GSTA4: variants seen among roughly 807,000 people sequenced by gnomAD.
GSTA4 encodes the protein glutathione S-transferase A4.
A neutral mutation model predicts 24.4 loss-of-function variants in GSTA4; 15 were observed. That is an observed-to-expected ratio of 0.61 (90% confidence interval 0.41 to 0.95). The LOEUF is 0.95. GSTA4 is among the 40% of genes least tolerant of loss of function. The pLI, the probability that GSTA4 is intolerant of heterozygous loss-of-function variation, is 0.00. For synonymous variants in GSTA4, 92 were observed against 94.2 expected (o/e 0.98, Z 0.13); for missense variants, 244 against 262.1 (o/e 0.93, Z 0.48).
Position 52,990,674 on chromosome 6 carries a change from T to C in GSTA4, c.88-3266A>G, listed in dbSNP as rs146183941. Among the ~76,000 whole-genome samples the C allele has an allele frequency of 5.7e-3, 870 of 152,298 alleles. 13 individuals carry two copies. The highest frequency in any genetic ancestry group is 0.019 in the African/African-American group (789 of 41,556). Reference sequence around the variant, plus strand: ...GCAGGGTAGAATGAAGAGAGAAGATTTGACAAAGGGTTATATTGCATACAT... The same window carrying C: ...GCAGGGTAGAATGAAGAGAGAAGATCTGACAAAGGGTTATATTGCATACAT... On this transcript the variant is annotated intron_variant, in intron 2 of 6. Transcript: ENST00000370963.
At chr6:52,992,700 G>A (rs1169170248) in intron 2 of GSTA4, among the ~76,000 whole-genome samples, 1 of 152,176 alleles carries the variant, frequency 6.6e-6, no homozygotes, top group East Asian at 1.9e-4. Flanking sequence ...TTTCAAAACC[G>A]TCAAGATGGT....
In GSTA4 at chr6:52,978,333, G is replaced by T. The variant is rs367836; in HGVS notation, c.*137C>A. ...TGATATTTCTAGAAGAGATGATCTC[G>T]TTGACACAAAAGACCCAACTTAGGA... On this transcript the variant is annotated 3_prime_UTR_variant, in exon 7 of 7. Transcript: ENST00000370963. The T allele has an allele frequency of 0.6, 481,384 of 800,630 alleles. 145,864 individuals carry two copies. Among genetic ancestry groups the T allele is most frequent in the East Asian group, 0.77 (28,070 of 36,462 alleles). The allele number at this position is 800,630 out of a possible 1,614,324, so 49.6% of individuals were successfully genotyped here. A position where few individuals can be genotyped will look rare whatever the true frequency, so the allele number is the denominator to read the frequency against.
At chr6:52,985,665 G>C in intron 3 of GSTA4, 82 bp from the exon 4 acceptor site, 1 of 1,367,992 alleles carries the variant, frequency 7.3e-7, no homozygotes, top group Non-Finnish European at 1.0e-6. Context: ...GGAATGAAAA[G>C]AAACGGTGGA....
chr6:52,985,555 G>A lies in GSTA4; in HGVS notation c.168C>T (p.Pro56=). The A allele has an allele frequency of 1.2e-6, 2 of 1,613,904 alleles. No individual in the cohort carries two copies. Among genetic ancestry groups the A allele is most frequent in the Non-Finnish European group, 8.5e-7 (1 of 1,179,784 alleles). The change falls in exon 4 of 7, where the codon CCC becomes CCT. Residue 56 remains proline (P), a synonymous_variant. Transcript: ENST00000370963. ...DGNHLLFQQV[P]MVEIDGMKLV... is the part of the protein sequence containing the mutation. Reference sequence around the variant, plus strand: ...ACTTCATCCCGTCAATTTCAACCATGGGCACTTGTTGGAACAGCAGGTGGT... The same window carrying A: ...ACTTCATCCCGTCAATTTCAACCATAGGCACTTGTTGGAACAGCAGGTGGT...
chr6:52,984,358 A>C lies in GSTA4; in HGVS notation c.414+106T>G, dbSNP rs895118047. The C allele has an allele frequency of 5.6e-6, 6 of 1,069,438 alleles. No individual in the cohort carries two copies. The South Asian group carries it at 9.1e-5, about 16-fold the overall frequency. The allele number at this position is 1,069,438 out of a possible 1,614,324, so 66.2% of individuals were successfully genotyped here. A position where few individuals can be genotyped will look rare whatever the true frequency, so the allele number is the denominator to read the frequency against. On this transcript the variant is annotated intron_variant, in intron 5 of 6. Coordinates refer to ENST00000370963, the MANE Select transcript of GSTA4 (RefSeq NM_001512.4). ...GTCCATTAGCGCTTAGGTTAGTTCA[A>C]CTGGGCTCAGTTTTAAAATCCTTGG...
At position 52,994,159 on chromosome 6, in the gene GSTA4, C is replaced by G. The variant is rs1447114898; in HGVS notation, c.85G>C (p.Glu29Gln). The change falls in exon 2 of 7, where the codon GAG becomes CAG. Residue 29 changes from glutamate (E) to glutamine (Q), a missense_variant and splice_region_variant. Glu to Gln is a conservative substitution (Grantham distance 29). Coordinates refer to ENST00000370963, the MANE Select transcript of GSTA4 (RefSeq NM_001512.4). Reference sequence around the variant, plus strand: ...TGAAGAAACAGCATATAAGGTACCTCGACTCCGGCGGCAGCTAAAACCCAT... The same window carrying G: ...TGAAGAAACAGCATATAAGGTACCTGGACTCCGGCGGCAGCTAAAACCCAT... ...VRWVLAAAGV[E>Q]FDEEFLETKE... The G allele has an allele frequency of 6.2e-7, 1 of 1,601,956 alleles. No individual in the cohort carries two copies. Among genetic ancestry groups the G allele is most frequent in the Non-Finnish European group, 8.6e-7 (1 of 1,168,916 alleles).
chr6:52,985,136 C>T (rs554573988), intron 4 of GSTA4, among the ~76,000 whole-genome samples: 2 of 152,274 alleles, frequency 1.3e-5, no homozygotes, highest in South Asian at 4.1e-4. Flanking sequence ...GTCACAGCAG[C>T]TCCTCATTCC....
Position 52,978,039 on chromosome 6 carries a change from TA to T in GSTA4, c.*430del, listed in dbSNP as rs1464000881. 1 of 158,254 alleles carries T rather than the reference TA, an allele frequency of 6.3e-6. No individual in the cohort carries two copies. Among genetic ancestry groups the T allele is most frequent in the African/African-American group, 2.4e-5 (1 of 41,520 alleles). The allele number at this position is 158,254 out of a possible 1,614,324, so 9.8% of individuals were successfully genotyped here. A position where few individuals can be genotyped will look rare whatever the true frequency, so the allele number is the denominator to read the frequency against. On this transcript the variant is annotated 3_prime_UTR_variant, in exon 7 of 7. Coordinates refer to ENST00000370963, the MANE Select transcript of GSTA4 (RefSeq NM_001512.4). ...TATTACAGCTCAGAGGAGAGTCATT[TA>T]CTAGACATTCGGTTGTTATTAAACA... is the stretch of plus-strand genomic sequence containing the variant.
chr6:52,980,209 C>T (rs149348753), intron 6 of GSTA4, among the ~76,000 whole-genome samples: 1 of 152,154 alleles, frequency 6.6e-6, no homozygotes, highest in African/African-American at 2.4e-5. Context: ...CTTTTAAAAT[C>T]TTTTGTGTCC....
intron 2 of GSTA4, among the ~76,000 whole-genome samples, chr6:52,990,664 G>A (rs1561986790): frequency 6.6e-6 from 1 of 152,212 alleles, no homozygotes; most frequent in Non-Finnish European, 1.5e-5. Flanking sequence ...GTAGAATGAA[G>A]AGAGAAGATT....
intron 5 of GSTA4, among the ~76,000 whole-genome samples, chr6:52,983,195 T>A (rs1763487277): frequency 6.6e-6 from 1 of 152,192 alleles, no homozygotes; most frequent in African/African-American, 2.4e-5. Context: ...GGTGTAGTCA[T>A]AAACTCAACC....
At chr6:52,987,158 C>G (rs1343486074) in intron 3 of GSTA4, among the ~76,000 whole-genome samples, 199 bp downstream of exon 3, 2 of 152,136 alleles carry the variant, frequency 1.3e-5, no homozygotes, top group Non-Finnish European at 2.9e-5. Context: ...TGCTCACCCC[C>G]TTCGGCCAGC....
At chr6:52,985,988 T>G (rs895520474) in intron 3 of GSTA4, among the ~76,000 whole-genome samples, 1 of 151,592 alleles carries the variant, frequency 6.6e-6, no homozygotes, top group African/African-American at 2.4e-5. Flanking sequence ...GAGGCGGAGG[T>G]TGCAATGAGC....
intron 5 of GSTA4, 108 bp downstream of exon 5, chr6:52,984,356 C>T: frequency 9.6e-7 from 1 of 1,043,838 alleles, no homozygotes; most frequent in Non-Finnish European, 1.4e-6. Context: ...TAGGTTAGTT[C>T]AACTGGGCTC....
intron 2 of GSTA4, among the ~76,000 whole-genome samples, chr6:52,989,435 G>A (rs1458722180): frequency 1.3e-5 from 2 of 152,098 alleles, no homozygotes; most frequent in Non-Finnish European, 2.9e-5. Flanking sequence ...TTGGGAGGAA[G>A]ACACATGCTG....
intron 6 of GSTA4, 85 bp from the exon 7 acceptor site, chr6:52,978,677 A>C: frequency 1.1e-6 from 1 of 904,346 alleles, no homozygotes; most frequent in Non-Finnish European, 1.7e-6. Context: ...TGGCCCACCA[A>C]AATTTGTTCA....
intron 6 of GSTA4, among the ~76,000 whole-genome samples, chr6:52,980,486 TAG>T (rs562004439): frequency 2.6e-5 from 4 of 152,112 alleles, no homozygotes; most frequent in Admixed American, 6.5e-5. Context: ...TTATTTTTAG[TAG>T]AGATGGGGTT....
chr6:52,984,728 G>A, intron 4 of GSTA4, 123 bp from the exon 5 acceptor site: 1 of 773,234 alleles, frequency 1.3e-6, no homozygotes, highest in South Asian at 1.6e-5. Context: ...GTCCCTAGAA[G>A]CATTTACCTA....
intron 6 of GSTA4, among the ~76,000 whole-genome samples, chr6:52,980,106 G>C (rs1289982071): frequency 2.0e-5 from 3 of 152,108 alleles, no homozygotes; most frequent in East Asian, 3.9e-4. Context: ...GCTTAAAAAA[G>C]GGTTGTTATT....
Sources: allele counts gnomAD v4.1 joint callset (sites outside exome capture counted in the v4.1 genomes callset), GRCh38; gene constraint gnomAD v4.1.1; transcripts MANE v1.5; gene names NCBI Gene and HGNC (gene_info 2026-07-23, HGNC 2026-07-21).